The following ATXN10 variants were observed in gnomAD, a reference collection of about 807,000 sequenced individuals.
The protein encoded by ATXN10 is ataxin-10.
ATXN10 carries 28 observed loss-of-function variants against 52.9 expected under a neutral mutation model. That is an observed-to-expected ratio of 0.53 (90% CI 0.39 to 0.73). The LOEUF (loss-of-function observed/expected upper bound fraction) is 0.73. Ranked by LOEUF, ATXN10 falls within the 30% of genes least tolerant of loss-of-function variation. The pLI, the probability that ATXN10 is intolerant of heterozygous loss-of-function variation, is 0.00. For synonymous variants in ATXN10, 226 were observed against 221.5 expected (o/e 1.02, Z -0.18); for missense variants, 565 against 577.0 (o/e 0.98, Z 0.21).
chr22:45,813,853 T>G (rs1015538856), intron 10 of ATXN10, among the ~76,000 whole-genome samples: 1 of 152,252 alleles, frequency 6.6e-6, no homozygotes, highest in Admixed American at 6.5e-5. Flanking sequence ...CGTCTGTGAT[T>G]GCACTGTGGG....
Position 45,718,784 on chromosome 22 carries a change from T to G in ATXN10, c.728+291T>G, listed in dbSNP as rs2146774910. Among the ~76,000 whole-genome samples the G allele has an allele frequency of 6.6e-6, 1 of 152,314 alleles. No individual in the cohort carries two copies. Among genetic ancestry groups the G allele is most frequent in the South Asian group, 2.1e-4 (1 of 4,826 alleles). ...TATGCCTGGATTTTAGAATAGTAAT[T>G]TATGTAACTGTGTATTACAGTTGAA... On this transcript the variant is annotated intron_variant, in intron 6 of 11. Transcript: ENST00000252934. The surrounding 1 kb of genome is among the most constrained non-coding windows in gnomAD (Gnocchi z 4.4).
chr22:45,695,869 T>G (rs1168965191), intron 3 of ATXN10, among the ~76,000 whole-genome samples: 3 of 152,202 alleles, frequency 2.0e-5, no homozygotes, highest in Non-Finnish European at 4.4e-5. Flanking sequence ...TGATGGTCTT[T>G]TTTCACAGGT....
rs182151666 is a variant in ATXN10 at position 45,734,134 on chromosome 22, C to T, written c.894+4544C>T. Among the ~76,000 whole-genome samples, 12 of 151,970 alleles carry T rather than the reference C, an allele frequency of 7.9e-5. 1 individual carries two copies. The South Asian group carries it at 8.3e-4, about 11-fold the overall frequency. ...ATAGTGAACATCCTTGTACAAATTT[C>T]GGTTAAGTAAATCAAATCCAGGTTA... On this transcript the variant is annotated intron_variant, in intron 7 of 11. Coordinates refer to ENST00000252934, the MANE Select transcript of ATXN10 (RefSeq NM_013236.4).
chr22:45,813,221 G>A (rs1195917359), intron 10 of ATXN10, among the ~76,000 whole-genome samples: 2 of 151,838 alleles, frequency 1.3e-5, no homozygotes, highest in African/African-American at 4.8e-5. Context: ...TTTATTGTGG[G>A]ATTTTTTGTT....
rs1022553253 is a variant in ATXN10 at position 45,781,195 on chromosome 22, C to T, written c.1174-25764C>T. On this transcript the variant is annotated intron_variant, in intron 9 of 11. Transcript: ENST00000252934. The surrounding 1 kb of genome is among the most constrained non-coding windows in gnomAD (Gnocchi z 4.2). ...CTGAATGGGGAGCCGAAACAGAAAC[C>T]TTCCCCTGGTTATAATGAGGCACCC... Among the ~76,000 whole-genome samples the T allele has an allele frequency of 1.3e-5, 2 of 152,320 alleles. No individual in the cohort carries two copies. Among genetic ancestry groups the T allele is most frequent in the African/African-American group, 2.4e-5 (1 of 41,572 alleles).
At chr22:45,741,870 G>C (rs1394503209) in intron 9 of ATXN10, among the ~76,000 whole-genome samples, 1 of 152,164 alleles carries the variant, frequency 6.6e-6, no homozygotes, top group Non-Finnish European at 1.5e-5. Flanking sequence ...AGAAGGGAAT[G>C]ACACAGTGTG....
In ATXN10 at chr22:45,840,333, AAAAG is replaced by A. The variant is rs1230760612; in HGVS notation, c.1238-2656_1238-2653del. Among the ~76,000 whole-genome samples the A allele has an allele frequency of 6.8e-6, 1 of 148,038 alleles. No homozygotes were observed. The highest frequency in any genetic ancestry group is 6.6e-5 in the Admixed American group (1 of 15,216). ...AATGCAGTGTGATGAGAACTGTTAAAAAAGAGAGAGAGAATGCATTGGAAACAGA... is the reference window on the plus strand; with the variant it reads ...AATGCAGTGTGATGAGAACTGTTAAAAGAGAGAGAATGCATTGGAAACAGA... On this transcript the variant is annotated intron_variant, in intron 10 of 11. Coordinates refer to ENST00000252934, the MANE Select transcript of ATXN10 (RefSeq NM_013236.4). The surrounding 1 kb of genome is among the most constrained non-coding windows in gnomAD (Gnocchi z 5.8).
At chr22:45,725,477 A>C (rs1230758125) in intron 6 of ATXN10, among the ~76,000 whole-genome samples, 1 of 144,330 alleles carries the variant, frequency 6.9e-6, no homozygotes, top group African/African-American at 2.6e-5. Flanking sequence ...GTTATTGTTG[A>C]TGTATACCAG....
intron 9 of ATXN10, among the ~76,000 whole-genome samples, chr22:45,764,026 T>C (rs2146832916): frequency 6.6e-6 from 1 of 152,272 alleles, no homozygotes; most frequent in South Asian, 2.1e-4. Context: ...CTCCCCGGCC[T>C]CTCCGGCAGC....
chr22:45,716,286 AG>A (rs1924440476), intron 5 of ATXN10, among the ~76,000 whole-genome samples: 1 of 150,910 alleles, frequency 6.6e-6, no homozygotes, highest in Non-Finnish European at 1.5e-5. Context: ...CAAAAACGAA[AG>A]CGGCGCTTAG....
chr22:45,766,602 A>G lies in ATXN10; in HGVS notation c.1173+26064A>G, dbSNP rs1005009363. 4.6e-5 allele frequency among the ~76,000 whole-genome samples: 7 copies of G among 152,246 alleles called. No homozygotes were observed. The highest frequency in any genetic ancestry group is 2.6e-4 in the Admixed American group (4 of 15,288). ...CAGCACCTGAACCCATGCAAGTATTAGGAGAAAACATGAATGAGTTCCGTT... is the reference window on the plus strand; with the variant it reads ...CAGCACCTGAACCCATGCAAGTATTGGGAGAAAACATGAATGAGTTCCGTT... On this transcript the variant is annotated intron_variant, in intron 9 of 11. Transcript: ENST00000252934. This position sits in a 1 kb window ranked among gnomAD's most constrained non-coding sequence, Gnocchi z 4.6.
At chr22:45,724,643 T>A (rs1924797319) in intron 6 of ATXN10, among the ~76,000 whole-genome samples, 1 of 152,244 alleles carries the variant, frequency 6.6e-6, no homozygotes, top group South Asian at 2.1e-4. Flanking sequence ...TGATTATTTC[T>A]TCCGCTGTGC....
intron 9 of ATXN10, among the ~76,000 whole-genome samples, chr22:45,768,886 T>C (rs758060964): frequency 6.6e-6 from 1 of 152,220 alleles, no homozygotes; most frequent in Non-Finnish European, 1.5e-5. Context: ...TAAGAAATTG[T>C]AATTAATCTT....
At chr22:45,809,224 A>G (rs114066578) in intron 10 of ATXN10, among the ~76,000 whole-genome samples, 1,572 of 152,320 alleles carry the variant, frequency 0.01, 27 homozygotes, top group African/African-American at 0.036. Context: ...TCCCTAGGTA[A>G]AACCACACTG....
chr22:45,829,127 G>T (rs1928908611), intron 10 of ATXN10, among the ~76,000 whole-genome samples: 2 of 152,144 alleles, frequency 1.3e-5, no homozygotes. Flanking sequence ...AGAAACACAT[G>T]ATCAATTCAG....
At chr22:45,679,585 T>C (rs777769265) in intron 1 of ATXN10, 2 of 152,218 alleles carry the variant, frequency 1.3e-5, no homozygotes, top group Non-Finnish European at 2.9e-5. Flanking sequence ...TGTCTTTAAC[T>C]ACACCAAAAC....
At chr22:45,788,776 T>C (rs76351672) in intron 9 of ATXN10, among the ~76,000 whole-genome samples, 4,827 of 151,980 alleles carry the variant, frequency 0.032, 120 homozygotes, top group Non-Finnish European at 0.048. Flanking sequence ...TCAGCCTCCC[T>C]GGTAGCTGGG....
intron 9 of ATXN10, among the ~76,000 whole-genome samples, chr22:45,779,152 C>T (rs1927059972): frequency 6.6e-6 from 1 of 152,138 alleles, no homozygotes; most frequent in African/African-American, 2.4e-5. Flanking sequence ...CAAGAAGCCA[C>T]CACTTCTTCC....
Position 45,774,047 on chromosome 22 carries a change from T to C in ATXN10, c.1174-32912T>C, listed in dbSNP as rs942578387. ...CATGAAGCCATCAAAACAGCCCCTC[T>C]TCAGGTCTTGCAGACAGAAAGAACC... is the stretch of plus-strand genomic sequence containing the variant. On this transcript the variant is annotated intron_variant, in intron 9 of 11. Transcript: ENST00000252934. The surrounding 1 kb of genome is among the most constrained non-coding windows in gnomAD (Gnocchi z 6.2). Among the ~76,000 whole-genome samples, 4 of 152,232 alleles carry C rather than the reference T, an allele frequency of 2.6e-5. No homozygotes were observed. The highest frequency in any genetic ancestry group is 5.9e-5 in the Non-Finnish European group (4 of 68,030).
Sources: allele counts gnomAD v4.1 joint callset (sites outside exome capture counted in the v4.1 genomes callset), GRCh38; gene constraint gnomAD v4.1.1; non-coding constraint Gnocchi (gnomAD v3.1); transcripts MANE v1.5; gene names NCBI Gene and HGNC (gene_info 2026-07-23, HGNC 2026-07-21).